TMEM232: variants seen among roughly 807,000 people sequenced by gnomAD.
TMEM232 encodes transmembrane protein 232.
A neutral mutation model predicts 78.8 loss-of-function variants in TMEM232; 80 were observed. That is an observed-to-expected ratio of 1.01 (90% CI 0.85 to 1.22). TMEM232 has a LOEUF of 1.22. Among genes scored for constraint, TMEM232 ranks in the 50% most tolerant of loss-of-function variants. TMEM232 has a pLI of 0.00. For missense variants in TMEM232, 881 were observed against 742.2 expected (o/e 1.19, Z -2.17); for synonymous variants, 297 against 254.3 (o/e 1.17, Z -1.60).
intron 12 of TMEM232, among the ~76,000 whole-genome samples, chr5:110,526,071 C>G (rs925669322): frequency 8.1e-6 from 1 of 124,150 alleles, no homozygotes; most frequent in Non-Finnish European, 1.7e-5. Context: ...CCAATACTTA[C>G]AATGTACATA....
At chr5:110,452,493 G>T (rs1225079178) in intron 12 of TMEM232, among the ~76,000 whole-genome samples, 1 of 152,070 alleles carries the variant, frequency 6.6e-6, no homozygotes, top group Non-Finnish European at 1.5e-5. Flanking sequence ...GATTTAAAAT[G>T]AACCAGGTCA....
intron 12 of TMEM232, among the ~76,000 whole-genome samples, chr5:110,460,144 C>T (rs936308645): frequency 6.6e-6 from 1 of 152,016 alleles, no homozygotes; most frequent in Non-Finnish European, 1.5e-5. Flanking sequence ...TATAAGATAG[C>T]ATTATATCAA....
At chr5:110,435,060 G>A (rs931456919) in intron 12 of TMEM232, among the ~76,000 whole-genome samples, 1 of 151,796 alleles carries the variant, frequency 6.6e-6, no homozygotes, top group Non-Finnish European at 1.5e-5. Context: ...GATTCAACTG[G>A]AAGTCTTAGC....
chr5:110,705,376 C>T (rs1002110928), intron 1 of TMEM232, among the ~76,000 whole-genome samples: 5 of 152,112 alleles, frequency 3.3e-5, no homozygotes, highest in African/African-American at 1.2e-4. Flanking sequence ...CAATACTTAC[C>T]AATCTAAATA....
In TMEM232 at chr5:110,529,209, A is replaced by C. The variant is rs2149530477; in HGVS notation, c.1456-374T>G. Among the ~76,000 whole-genome samples the C allele has an allele frequency of 2.0e-5, 3 of 152,220 alleles. 1 individual carries two copies. The highest frequency in any genetic ancestry group is 2.0e-4 in the Admixed American group (3 of 15,294). On this transcript the variant is annotated intron_variant, in intron 11 of 13. Coordinates refer to ENST00000455884, the MANE Select transcript of TMEM232 (RefSeq NM_001039763.4). ...ATTTTATTAAATCAGACTTTTTTTT[A>C]ATGCACAATCTAAACTGTTCTTGAT...
chr5:110,670,699 C>T (rs1791244301), intron 1 of TMEM232, among the ~76,000 whole-genome samples: 1 of 151,920 alleles, frequency 6.6e-6, no homozygotes, highest in Admixed American at 6.6e-5. Flanking sequence ...TAATGTAAAA[C>T]AAATGCTATT....
rs1580776231 is a variant in TMEM232, at chr5:110,716,895, T to C, written c.-13+9732A>G. ...AAGCACTGGTTGGCTTTTTTGTGTG[T>C]GTAGCAATGGTACAGGATAAACTGG... On this transcript the variant is annotated intron_variant, in intron 1 of 13. Coordinates refer to ENST00000455884, the MANE Select transcript of TMEM232 (RefSeq NM_001039763.4). Among the ~76,000 whole-genome samples the C allele has an allele frequency of 3.3e-5, 5 of 152,284 alleles. No individual in the cohort carries two copies. In the South Asian group the frequency reaches 1.0e-3, roughly 32 times the overall value.
At chr5:110,565,065 T>G (rs12656844) in intron 11 of TMEM232, among the ~76,000 whole-genome samples, 11,480 of 151,924 alleles carry the variant, frequency 0.076, 549 homozygotes, top group South Asian at 0.2. Context: ...CCTCCAAATA[T>G]TTTGCTAAGT....
chr5:110,488,677 T>C (rs2149412107), intron 12 of TMEM232, among the ~76,000 whole-genome samples: 1 of 151,974 alleles, frequency 6.6e-6, no homozygotes, highest in African/African-American at 2.4e-5. Flanking sequence ...TAGAGCAAGA[T>C]AAACCTAAAG....
intron 10 of TMEM232, among the ~76,000 whole-genome samples, chr5:110,595,182 C>A (rs1031406830): frequency 1.3e-5 from 2 of 152,132 alleles, no homozygotes; most frequent in Admixed American, 6.5e-5. Context: ...AGAAGAGGGG[C>A]CTGACTGTTA....
chr5:110,709,654 T>G (rs1796274438), intron 1 of TMEM232, among the ~76,000 whole-genome samples: 1 of 151,884 alleles, frequency 6.6e-6, no homozygotes, highest in Admixed American at 6.6e-5. Flanking sequence ...ATGAAGAAAT[T>G]AAGGTGGAAA....
intron 6 of TMEM232, among the ~76,000 whole-genome samples, chr5:110,626,921 T>G (rs982701658): frequency 6.6e-6 from 1 of 152,052 alleles, no homozygotes. Context: ...ATCCATTAAA[T>G]GTATGTTCCC....
chr5:110,626,796 C>A (rs1177805146), intron 6 of TMEM232, among the ~76,000 whole-genome samples: 1 of 151,976 alleles, frequency 6.6e-6, no homozygotes, highest in Admixed American at 6.6e-5. Context: ...ATTTTTCAGA[C>A]CTTCTACTAT....
chr5:110,582,466 C>A (rs1042948462), intron 10 of TMEM232, among the ~76,000 whole-genome samples: 2 of 151,902 alleles, frequency 1.3e-5, no homozygotes, highest in Non-Finnish European at 2.9e-5. Flanking sequence ...ATTGAGTACA[C>A]ACGGACATAA....
chr5:110,648,198 A>G (rs1296415200), intron 2 of TMEM232, among the ~76,000 whole-genome samples: 1 of 152,090 alleles, frequency 6.6e-6, no homozygotes, highest in Non-Finnish European at 1.5e-5. Flanking sequence ...AACCAAAATT[A>G]GATGCTACTT....
At chr5:110,480,117 A>G (rs562705906) in intron 12 of TMEM232, among the ~76,000 whole-genome samples, 1 of 151,848 alleles carries the variant, frequency 6.6e-6, no homozygotes, top group South Asian at 2.1e-4. Flanking sequence ...AGCTTATTTT[A>G]TATGCTATAG....
intron 1 of TMEM232, among the ~76,000 whole-genome samples, chr5:110,676,843 C>G (rs1792092768): frequency 6.6e-6 from 1 of 151,926 alleles, no homozygotes; most frequent in Admixed American, 6.6e-5. Flanking sequence ...ATCGCAACCT[C>G]CACCTCCCCG....
intron 1 of TMEM232, among the ~76,000 whole-genome samples, chr5:110,712,626 CTT>C (rs759938782): frequency 6.6e-6 from 1 of 152,128 alleles, no homozygotes; most frequent in Non-Finnish European, 1.5e-5. Flanking sequence ...AGAACGTCCC[CTT>C]TGTTTCACTG....
At chr5:110,670,048 A>G (rs2150140842) in intron 1 of TMEM232, among the ~76,000 whole-genome samples, 1 of 152,328 alleles carries the variant, frequency 6.6e-6, no homozygotes, top group South Asian at 2.1e-4. Flanking sequence ...AAAAACTGGA[A>G]GCATTCCCTT....
Sources: allele counts gnomAD v4.1 joint callset (sites outside exome capture counted in the v4.1 genomes callset), GRCh38; gene constraint gnomAD v4.1.1; transcripts MANE v1.5; gene names NCBI Gene and HGNC (gene_info 2026-07-23, HGNC 2026-07-21).